The following ZNF341 variants were observed in gnomAD, a reference collection of about 807,000 sequenced individuals.
ZNF341 encodes the protein zinc finger protein 341.
A neutral mutation model predicts 87.7 loss-of-function variants in ZNF341; 52 were observed. That is an observed-to-expected ratio of 0.59 (90% CI 0.47 to 0.75). ZNF341 has a LOEUF of 0.75. ZNF341 is among the 30% of genes least tolerant of loss of function. The probability of loss-of-function intolerance (pLI) is 0.00; values close to 1 mark genes in which losing one functional copy is unlikely to be tolerated. For synonymous variants in ZNF341, 459 were observed against 472.7 expected, an observed-to-expected ratio of 0.97 and a Z score of 0.38; for missense variants, 977 against 1,145.9, an observed-to-expected ratio of 0.85 and a Z score of 2.13.
Position 33,753,285 on chromosome 20 carries a change from C to T in ZNF341, c.603C>T (p.Pro201=), listed in dbSNP as rs2019100162. 3 of 1,611,976 alleles carry T rather than the reference C, an allele frequency of 1.9e-6. No homozygotes were observed. Among genetic ancestry groups the T allele is most frequent in the Non-Finnish European group, 2.5e-6 (3 of 1,179,562 alleles). Residue 201 remains proline, a synonymous_variant, in exon 5 of 15, where the codon CCC becomes CCT. Transcript: ENST00000375200. ...CACCTCAGCCTCCACCACCTCCACC[C>T]CAGAGCCTGGGCCCCCCTGGGCGTC... ...PPPPQPPPPP[P]QSLGPPGRPN... is the part of the protein sequence containing the mutation.
chr20:33,742,018 C>T (rs6088289), intron 2 of ZNF341, among the ~76,000 whole-genome samples: 17,669 of 152,026 alleles, frequency 0.12, 1,203 homozygotes, highest in African/African-American at 0.2. Flanking sequence ...CTGTGTTACG[C>T]GAAGTCCTGA....
chr20:33,773,956 C>A (rs1348162115), intron 10 of ZNF341, among the ~76,000 whole-genome samples: 1 of 151,910 alleles, frequency 6.6e-6, no homozygotes, highest in Non-Finnish European at 1.5e-5. Flanking sequence ...GCCACTATAT[C>A]TTTACTGTAT....
rs1302446450 is a variant in ZNF341 at position 33,791,652 on chromosome 20, T to C, written c.*135T>C. Reference sequence around the variant, plus strand: ...TGGCAGAAATCCTGCTGAATGTCATTCAGAAACCTCAGCCCATGGTCGCCC... The same window carrying C: ...TGGCAGAAATCCTGCTGAATGTCATCCAGAAACCTCAGCCCATGGTCGCCC... On this transcript the variant is annotated 3_prime_UTR_variant, in exon 15 of 15. Coordinates refer to ENST00000375200, the MANE Select transcript of ZNF341 (RefSeq NM_001282933.2). 18 of 1,034,834 alleles carry C rather than the reference T, an allele frequency of 1.7e-5. No individual in the cohort carries two copies. Among genetic ancestry groups the C allele is most frequent in the Non-Finnish European group, 2.3e-5 (17 of 742,596 alleles). 64.1% of individuals were successfully genotyped at this position (1,034,834 alleles called of 1,614,324 possible).
intron 2 of ZNF341, among the ~76,000 whole-genome samples, chr20:33,744,144 G>A (rs910469665): frequency 5.9e-5 from 9 of 152,120 alleles, no homozygotes; most frequent in African/African-American, 1.2e-4. Flanking sequence ...TTAGCCGGGC[G>A]TGGTGGCGCA....
In ZNF341 at chr20:33,753,408, C is replaced by T. The variant is rs1200725243; in HGVS notation, c.726C>T (p.Pro242=). Residue 242 remains proline (P), a synonymous_variant, in exon 5 of 15, where the codon CCC becomes CCT. Transcript: ENST00000375200. The part of the protein sequence containing the change: ...TVEIQALGMQ[P]YPPLEVPNQC... ...AGATCCAGGCACTGGGGATGCAGCC[C>T]TACCCACCCCTAGAGGTGAGCAGAG... The T allele has an allele frequency of 1.2e-6, 2 of 1,602,760 alleles. No individual in the cohort carries two copies. Among genetic ancestry groups the T allele is most frequent in the Admixed American group, 1.7e-5 (1 of 58,288 alleles).
At position 33,758,675 on chromosome 20, in the gene ZNF341, A is replaced by T. The variant is rs778822185; in HGVS notation, c.938-41A>T. The T allele has an allele frequency of 4.5e-6, 7 of 1,552,976 alleles. No homozygotes were observed. In the Admixed American group the frequency reaches 1.2e-4, roughly 26 times the overall value. ...GGCTGCCCTTGGTGCCCTGAGCTGC[A>T]CCCCCAGCCTCATTGTCCCCTCCTT... On this transcript the variant is annotated intron_variant, in intron 6 of 14. Coordinates refer to ENST00000375200, the MANE Select transcript of ZNF341 (RefSeq NM_001282933.2).
intron 1 of ZNF341, among the ~76,000 whole-genome samples, chr20:33,736,118 A>G (rs944940061): frequency 1.0e-5 from 1 of 98,124 alleles, no homozygotes. Flanking sequence ...TTTTTTTTAG[A>G]CCCTGTCTCA....
intron 1 of ZNF341, among the ~76,000 whole-genome samples, chr20:33,736,875 G>A (rs756656892): frequency 3.3e-5 from 5 of 152,276 alleles, no homozygotes; most frequent in Non-Finnish European, 7.4e-5. Context: ...AAGTAGACTG[G>A]GGTGAGTGAG....
At chr20:33,750,684 A>C (rs1453349004) in intron 4 of ZNF341, among the ~76,000 whole-genome samples, 1 of 151,754 alleles carries the variant, frequency 6.6e-6, no homozygotes, top group Non-Finnish European at 1.5e-5. Flanking sequence ...CTTGTCACCT[A>C]GGCTGGAGTG....
In ZNF341 at chr20:33,758,732, G is replaced by C; in HGVS notation, c.954G>C (p.Lys318Asn). ...RGLPEAAGKPKAQKLKCSYCD... is the reference protein window; with the variant it reads ...RGLPEAAGKPNAQKLKCSYCD... ...GTCTTTCAGCTGCAGGGAAGCCAAAGGCTCAGAAACTCAAGTGCTCATACT... is the reference window on the plus strand; with the variant it reads ...GTCTTTCAGCTGCAGGGAAGCCAAACGCTCAGAAACTCAAGTGCTCATACT... Residue 318 changes from lysine (K) to asparagine (N), a missense_variant, in exon 7 of 15, where the codon AAG becomes AAC. Coordinates refer to ENST00000375200, the MANE Select transcript of ZNF341 (RefSeq NM_001282933.2). The C allele has an allele frequency of 6.2e-7, 1 of 1,613,790 alleles. No homozygotes were observed. Among genetic ancestry groups the C allele is most frequent in the Non-Finnish European group, 8.5e-7 (1 of 1,179,916 alleles).
chr20:33,736,127 CAA>C (rs1354681295), intron 1 of ZNF341, among the ~76,000 whole-genome samples: 14 of 118,472 alleles, frequency 1.2e-4, no homozygotes, highest in Non-Finnish European at 1.5e-4. Context: ...GACCCTGTCT[CAA>C]AAAAAAAAAA....
chr20:33,734,735 C>T (rs2018644095), intron 1 of ZNF341, among the ~76,000 whole-genome samples: 1 of 151,940 alleles, frequency 6.6e-6, no homozygotes. Flanking sequence ...GACAGCATCT[C>T]ACACTGTCTC....
chr20:33,790,389 A>G (rs1039110295), intron 14 of ZNF341, among the ~76,000 whole-genome samples: 1 of 152,026 alleles, frequency 6.6e-6, no homozygotes, highest in Non-Finnish European at 1.5e-5. Context: ...TCCTGTAGAT[A>G]ATTTTGTCCT....
intron 5 of ZNF341, among the ~76,000 whole-genome samples, chr20:33,755,053 G>A (rs188499952): frequency 8.0e-4 from 122 of 152,100 alleles, no homozygotes; most frequent in African/African-American, 2.8e-3. Context: ...AGCGATTCTC[G>A]TGCCTCAGCC....
rs2019192681 is a variant in ZNF341, at chr20:33,757,167, A to C, written c.761A>C (p.Glu254Ala). The C allele has an allele frequency of 2.1e-6, 3 of 1,458,362 alleles. No individual in the cohort carries two copies. The highest frequency in any genetic ancestry group is 2.9e-5 in the African/African-American group (2 of 68,362). The allele number at this position is 1,458,362 out of a possible 1,614,324, so 90.3% of individuals were successfully genotyped here. Residue 254 changes from glutamate to alanine, a missense_variant, in exon 6 of 15, where the codon GAG (glutamate) becomes GCG (alanine). Glu to Ala is a moderately radical substitution (Grantham distance 107, BLOSUM62 -1). This residue lies in a region of ZNF341 where 515 missense variants were observed against 598.2 expected (regional missense o/e 0.86). Transcript: ENST00000375200. ...PPLEVPNQCV[E>A]PPVYPTPTVY... ...TCCTAGGTGCCAAACCAGTGTGTGGAGCCTCCAGTATATCCCACCCCCACA... is the reference window on the plus strand; with the variant it reads ...TCCTAGGTGCCAAACCAGTGTGTGGCGCCTCCAGTATATCCCACCCCCACA...
intron 4 of ZNF341, chr20:33,752,597 C>A: frequency 3.2e-6 from 1 of 317,386 alleles, no homozygotes; most frequent in Non-Finnish European, 6.0e-6. Flanking sequence ...CAACATTAGG[C>A]TGCTATATTA....
intron 2 of ZNF341, among the ~76,000 whole-genome samples, chr20:33,741,511 C>T (rs757856683): frequency 6.6e-6 from 1 of 151,768 alleles, no homozygotes; most frequent in Non-Finnish European, 1.5e-5. Context: ...TCAAGCAATT[C>T]TCATACCTCA....
chr20:33,734,621 C>G (rs936895397), intron 1 of ZNF341, among the ~76,000 whole-genome samples: 1 of 152,116 alleles, frequency 6.6e-6, no homozygotes, highest in African/African-American at 2.4e-5. Context: ...GCCCTGGTGC[C>G]CTGTTCTCCT....
In ZNF341 at chr20:33,791,589, C is replaced by T. The variant is rs572950835; in HGVS notation, c.*72C>T. The stretch of plus-strand genomic sequence containing the variant: ...GGGTCCAGGGCCCCTGGGGGCAGAC[C>T]GGTGATCCTTACCAGTGGAAGCGAG... On this transcript the variant is annotated 3_prime_UTR_variant, in exon 15 of 15. Coordinates refer to ENST00000375200, the MANE Select transcript of ZNF341 (RefSeq NM_001282933.2). 1,045 of 1,429,526 alleles carry T rather than the reference C, an allele frequency of 7.3e-4. No homozygotes were observed. Among genetic ancestry groups the T allele is most frequent in the Non-Finnish European group, 8.8e-4 (951 of 1,086,262 alleles). The allele number at this position is 1,429,526 out of a possible 1,614,324, so 88.6% of individuals were successfully genotyped here.
Sources: allele counts gnomAD v4.1 joint callset (sites outside exome capture counted in the v4.1 genomes callset), GRCh38; gene constraint gnomAD v4.1.1; regional missense constraint gnomAD v4.1.1; transcripts MANE v1.5; gene names NCBI Gene and HGNC (gene_info 2026-07-23, HGNC 2026-07-21).